Variants in FBXL5 observed in about 807,000 individuals in gnomAD.
FBXL5 encodes the protein F-box and leucine rich repeat protein 5.
In FBXL5, 26 loss-of-function variants were observed where a neutral mutation model predicts 78.3. The observed-to-expected ratio is 0.33, with a 90% confidence interval of 0.24 to 0.46. FBXL5 has a LOEUF of 0.46. Ranked by LOEUF, FBXL5 falls within the 20% of genes least tolerant of loss-of-function variation. The probability of loss-of-function intolerance (pLI) is 1.00; values close to 1 mark genes in which losing one functional copy is unlikely to be tolerated. For missense variants in FBXL5, 710 were observed against 829.2 expected (o/e 0.86, Z 1.77); for synonymous variants, 295 against 282.5 (o/e 1.04, Z -0.45).
In FBXL5 at chr4:15,655,199, GT is replaced by G; in HGVS notation, c.84+4del. ...CCCACAGCGGGAGGCTCAGCGCTCC[GT>G]TACCTTGTCGCAGTAGAGCCCCACC... On this transcript the variant is annotated splice_donor_region_variant and intron_variant, in intron 1 of 10. Coordinates refer to ENST00000341285, the MANE Select transcript of FBXL5 (RefSeq NM_012161.4). 1 of 1,414,866 alleles carries G rather than the reference GT, an allele frequency of 7.1e-7. No individual in the cohort carries two copies. The highest frequency in any genetic ancestry group is 2.2e-5 in the Admixed American group (1 of 44,470). 87.6% of individuals were successfully genotyped at this position (1,414,866 alleles called of 1,614,324 possible).
chr4:15,606,869 T>A (rs947557231), intron 10 of FBXL5, among the ~76,000 whole-genome samples: 2 of 152,162 alleles, frequency 1.3e-5, no homozygotes, highest in African/African-American at 4.8e-5. Flanking sequence ...TTAAATTTAC[T>A]TTTTATTTTC....
chr4:15,654,781 G>A (rs975335492), intron 1 of FBXL5, among the ~76,000 whole-genome samples: 2 of 152,172 alleles, frequency 1.3e-5, no homozygotes, highest in African/African-American at 2.4e-5. Context: ...GACGGGGGAC[G>A]GGAACAACTA....
At chr4:15,655,702 A>G (rs1172799734), upstream of FBXL5, among the ~76,000 whole-genome samples, 1 of 152,198 alleles carries the variant, frequency 6.6e-6, no homozygotes, top group Non-Finnish European at 1.5e-5. Flanking sequence ...AGCCAAGCAC[A>G]ATGGCCGCGG....
chr4:15,642,758 G>A (rs573764536), intron 2 of FBXL5, among the ~76,000 whole-genome samples: 14 of 152,166 alleles, frequency 9.2e-5, no homozygotes, highest in African/African-American at 3.1e-4. Context: ...TCACTCTTCT[G>A]ACCATGAAAT....
chr4:15,632,185 T>C (rs1713738766), intron 5 of FBXL5, among the ~76,000 whole-genome samples: 1 of 152,250 alleles, frequency 6.6e-6, no homozygotes, highest in South Asian at 2.1e-4. Flanking sequence ...CCTTTCCCTA[T>C]TTCTTGTTTT....
At position 15,668,576 on chromosome 4, in the gene FBXL5, G is replaced by A. The variant is rs1346228693; in HGVS notation, c.-283-8654C>T. On this transcript the variant is annotated intron_variant, in intron 1 of 4. Transcript: ENST00000507899. Reference sequence around the variant, plus strand: ...CAAGTCACATTCTAAAAAGAAAAAAGGAAGTATAAAAGATTATAATGAAGA... The same window carrying A: ...CAAGTCACATTCTAAAAAGAAAAAAAGAAGTATAAAAGATTATAATGAAGA... 2.0e-5 allele frequency among the ~76,000 whole-genome samples: 3 copies of A among 151,716 alleles called. No individual in the cohort carries two copies. The East Asian group carries it at 5.8e-4, about 29-fold the overall frequency.
chr4:15,644,318 A>C (rs1715164810), intron 2 of FBXL5, among the ~76,000 whole-genome samples, 175 bp downstream of exon 2: 1 of 152,174 alleles, frequency 6.6e-6, no homozygotes, highest in East Asian at 1.9e-4. Flanking sequence ...CACTACTGCA[A>C]ACTCCCCACT....
intron 7 of FBXL5, among the ~76,000 whole-genome samples, chr4:15,627,208 C>T (rs1233670013): frequency 6.9e-6 from 1 of 145,574 alleles, no homozygotes; most frequent in Non-Finnish European, 1.5e-5. Context: ...TATCTTGGCT[C>T]ACTGCAACCT....
At chr4:15,650,622 G>GATATCTTCC (rs1340322632) in intron 1 of FBXL5, among the ~76,000 whole-genome samples, 1 of 147,030 alleles carries the variant, frequency 6.8e-6, no homozygotes, top group East Asian at 2.0e-4. Context: ...ATAGTAACAT[G>GATATCTTCC]ATATCTTCCA....
intron 9 of FBXL5, among the ~76,000 whole-genome samples, chr4:15,623,950 G>A (rs1036722253): frequency 2.0e-5 from 3 of 151,828 alleles, no homozygotes; most frequent in Admixed American, 2.0e-4. Flanking sequence ...AGCCTCCAGA[G>A]TAGCTGGGAC....
At chr4:15,638,892 C>T (rs1220158554) in intron 3 of FBXL5, among the ~76,000 whole-genome samples, 198 bp from the exon 4 acceptor site, 2 of 152,118 alleles carry the variant, frequency 1.3e-5, no homozygotes, top group East Asian at 1.9e-4. Flanking sequence ...TGGCCAGGCG[C>T]GGTGGCTAAC....
upstream of FBXL5, among the ~76,000 whole-genome samples, chr4:15,658,556 CCAGCATGCTGAGTCCCT>C (rs576544515): frequency 1.3e-3 from 193 of 152,250 alleles, no homozygotes; most frequent in Admixed American, 1.0e-3. Context: ...AAGACCTGTG[CCAGCATGCTGAGTCCCT>C]CGCCATGTGA....
upstream of FBXL5, among the ~76,000 whole-genome samples, chr4:15,660,851 C>T (rs571737190): frequency 2.6e-5 from 4 of 152,112 alleles, no homozygotes; most frequent in South Asian, 4.2e-4. Flanking sequence ...CCGAGGTGGG[C>T]GGATCACTTC....
rs148361819 is a variant in FBXL5 at position 15,650,083 on chromosome 4, G to A, written c.84+5121C>T. ...GCCACCCCACTACCCATCCCCCAGA[G>A]ATAAAAGGCAAGATCTGGAGGCAGT... is the stretch of plus-strand genomic sequence containing the variant. On this transcript the variant is annotated intron_variant, in intron 1 of 10. Transcript: ENST00000341285. Among the ~76,000 whole-genome samples the A allele has an allele frequency of 1.5e-3, 235 of 152,254 alleles. 1 individual carries two copies. The highest frequency in any genetic ancestry group is 3.4e-3 in the Middle Eastern group (1 of 294).
Position 15,655,343 on chromosome 4 carries a change from C to T in FBXL5, c.-56G>A. 5 of 1,289,418 alleles carry T rather than the reference C, an allele frequency of 3.9e-6. No individual in the cohort carries two copies. Among genetic ancestry groups the T allele is most frequent in the Non-Finnish European group, 5.1e-6 (5 of 986,912 alleles). 79.9% of individuals were successfully genotyped at this position (1,289,418 alleles called of 1,614,324 possible). On this transcript the variant is annotated 5_prime_UTR_variant, in exon 1 of 11. It adds an upstream start codon to the 5' untranslated region. Transcript: ENST00000341285. ...CGCGGCCGCCGCCTCTCCATAGACA[C>T]CCTCGCCGCGGGGCAGAGGCGGCGC... is the stretch of plus-strand genomic sequence containing the variant.
chr4:15,623,773 C>T (rs538043293), intron 9 of FBXL5, among the ~76,000 whole-genome samples: 1 of 151,760 alleles, frequency 6.6e-6, no homozygotes, highest in South Asian at 2.1e-4. Context: ...CCAGTTACCT[C>T]GGGGAAAACA....
At chr4:15,650,238 T>C (rs1357650282) in intron 1 of FBXL5, among the ~76,000 whole-genome samples, 1 of 152,210 alleles carries the variant, frequency 6.6e-6, no homozygotes, top group Non-Finnish European at 1.5e-5. Flanking sequence ...ATGTCAATAA[T>C]GCTTTGGTTA....
At chr4:15,671,551 G>A (rs1358528602) in intron 1 of FBXL5, among the ~76,000 whole-genome samples, 1 of 152,166 alleles carries the variant, frequency 6.6e-6, no homozygotes, top group Non-Finnish European at 1.5e-5. Context: ...TGGAATTACA[G>A]GCGTGAGCCA....
intron 1 of FBXL5, among the ~76,000 whole-genome samples, chr4:15,645,595 T>G (rs916359025): frequency 1.3e-5 from 2 of 151,806 alleles, no homozygotes; most frequent in African/African-American, 4.8e-5. Context: ...GCCCGGCTAA[T>G]TTTTGTATTT....
Sources: gnomAD v4.1 joint callset for allele counts (sites outside exome capture counted in the v4.1 genomes callset) on GRCh38, gnomAD v4.1.1 for gene constraint, MANE v1.5 for transcripts, NCBI Gene and HGNC (gene_info 2026-07-23, HGNC 2026-07-21) for gene names.